DAB2IP: variants seen among roughly 807,000 people sequenced by gnomAD.
DAB2IP encodes disabled homolog 2-interacting protein.
DAB2IP carries 28 observed loss-of-function variants against 107.2 expected under a neutral mutation model. That is an observed-to-expected ratio of 0.26 (90% confidence interval 0.19 to 0.36). The LOEUF (loss-of-function observed/expected upper bound fraction) is 0.36. DAB2IP is among the 10% of genes least tolerant of loss of function. The pLI, the probability that DAB2IP is intolerant of heterozygous loss-of-function variation, is 1.00. For missense variants in DAB2IP, 1,400 were observed against 1,644.7 expected, an observed-to-expected ratio of 0.85 and a Z score of 2.57; for synonymous variants, 755 against 706.4, an observed-to-expected ratio of 1.07 and a Z score of -1.09.
chr9:121,734,764 A>G (rs910786362), intron 3 of DAB2IP, among the ~76,000 whole-genome samples: 24 of 152,180 alleles, frequency 1.6e-4, no homozygotes, highest in Admixed American at 1.3e-4. Context: ...AAGGTGCAAA[A>G]ACAGTTGTCT....
chr9:121,672,744 G>T (rs574561753), intron 1 of DAB2IP, among the ~76,000 whole-genome samples: 3 of 152,136 alleles, frequency 2.0e-5, no homozygotes, highest in African/African-American at 7.2e-5. Context: ...GGTCTGGGGC[G>T]CACTCTTAAG....
chr9:121,612,253 TGAGGCTGCAGC>T (rs1831121262), intron 1 of DAB2IP, among the ~76,000 whole-genome samples: 1 of 151,918 alleles, frequency 6.6e-6, no homozygotes, highest in African/African-American at 2.4e-5. Flanking sequence ...GGGAGGAGGT[TGAGGCTGCAGC>T]GAGCCGGAGC....
At chr9:121,720,380 G>A (rs1487359310) in intron 3 of DAB2IP, among the ~76,000 whole-genome samples, 2 of 152,214 alleles carry the variant, frequency 1.3e-5, no homozygotes, top group East Asian at 1.9e-4. Flanking sequence ...CACCTACTGC[G>A]TGCCGGGTGC....
At chr9:121,645,622 A>C (rs1192281418) in intron 1 of DAB2IP, among the ~76,000 whole-genome samples, 1 of 152,104 alleles carries the variant, frequency 6.6e-6, no homozygotes, top group Admixed American at 6.5e-5. Flanking sequence ...GGGATGAGAG[A>C]GCCAACCAGA....
intron 1 of DAB2IP, among the ~76,000 whole-genome samples, chr9:121,631,546 G>A (rs1169074986): frequency 6.6e-6 from 1 of 152,022 alleles, no homozygotes. Flanking sequence ...GGCCCGACGC[G>A]GTGGCTCACA....
intron 3 of DAB2IP, among the ~76,000 whole-genome samples, chr9:121,727,892 G>A (rs1831320822): frequency 6.6e-6 from 1 of 152,158 alleles, no homozygotes; most frequent in South Asian, 2.1e-4. Flanking sequence ...AGGGCTGTCT[G>A]CCTTCTCCCT....
intron 3 of DAB2IP, among the ~76,000 whole-genome samples, chr9:121,749,997 G>A (rs1335902942): frequency 6.6e-6 from 1 of 152,174 alleles, no homozygotes; most frequent in East Asian, 1.9e-4. Flanking sequence ...TGGCAATGAG[G>A]TGGGCGAATG....
intron 3 of DAB2IP, among the ~76,000 whole-genome samples, chr9:121,740,220 G>C (rs1022232169): frequency 6.6e-6 from 1 of 152,164 alleles, no homozygotes; most frequent in African/African-American, 2.4e-5. Context: ...TGACCCAGTG[G>C]ATCTCAGCCT....
exon 8 of DAB2IP, chr9:121,763,877 C>T: frequency 6.2e-7 from 1 of 1,613,970 alleles, no homozygotes. Flanking sequence ...TCAACTCCTA[C>T]TGGTCAGTGC....
chr9:121,721,791 A>T (rs1021024822), intron 3 of DAB2IP, among the ~76,000 whole-genome samples: 1 of 152,242 alleles, frequency 6.6e-6, no homozygotes, highest in South Asian at 2.1e-4. Flanking sequence ...TAAAACCCAG[A>T]TGGGCAGAGG....
chr9:121,731,519 A>G lies in DAB2IP; in HGVS notation c.363-25494A>G, dbSNP rs1456679313. On this transcript the variant is annotated intron_variant, in intron 3 of 15. Transcript: ENST00000408936. ...GTGGTTATAAATGCTGTCTTGTTATAGAATTGCTGTCTGGTTACATGGGGA... is the reference window on the plus strand; with the variant it reads ...GTGGTTATAAATGCTGTCTTGTTATGGAATTGCTGTCTGGTTACATGGGGA... Among the ~76,000 whole-genome samples the G allele has an allele frequency of 1.3e-4, 20 of 152,352 alleles. No individual in the cohort carries two copies. The East Asian group carries it at 1.3e-3, about 10-fold the overall frequency.
At chr9:121,733,331 A>T (rs1430869391) in intron 3 of DAB2IP, among the ~76,000 whole-genome samples, 1 of 152,188 alleles carries the variant, frequency 6.6e-6, no homozygotes, top group Non-Finnish European at 1.5e-5. Flanking sequence ...ATCTCTCCCC[A>T]CGGGATGTAC....
At chr9:121,750,175 T>G (rs1564198543) in intron 3 of DAB2IP, among the ~76,000 whole-genome samples, 1 of 151,654 alleles carries the variant, frequency 6.6e-6, no homozygotes, top group East Asian at 1.9e-4. Context: ...TCCTAGAGAG[T>G]CGAATGACTT....
rs538942226 is a variant in DAB2IP at position 121,691,469 on chromosome 9, C to T, written c.229-7856C>T. ...GTCAAAGGAAGTGATAGCAGTGAGCCGAGATCGCGCCACTGCACTCCAGCC... is the reference window on the plus strand; with the variant it reads ...GTCAAAGGAAGTGATAGCAGTGAGCTGAGATCGCGCCACTGCACTCCAGCC... On this transcript the variant is annotated intron_variant, in intron 2 of 15. Coordinates refer to ENST00000408936, the Ensembl canonical transcript of DAB2IP. Among the ~76,000 whole-genome samples the T allele has an allele frequency of 4.7e-5, 7 of 149,358 alleles. No individual in the cohort carries two copies. The South Asian group carries it at 6.4e-4, about 14-fold the overall frequency.
intron 1 of DAB2IP, among the ~76,000 whole-genome samples, chr9:121,655,661 C>G (rs1832941141): frequency 6.6e-6 from 1 of 152,194 alleles, no homozygotes; most frequent in Admixed American, 6.5e-5. Flanking sequence ...CATAGGGCCT[C>G]AGTTTCCCCA....
In DAB2IP at chr9:121,736,509, C is replaced by T. The variant is rs553997130; in HGVS notation, c.363-20504C>T. Among the ~76,000 whole-genome samples the T allele has an allele frequency of 8.4e-6, 1 of 119,674 alleles. No individual in the cohort carries two copies. The highest frequency in any genetic ancestry group is 2.8e-4 in the South Asian group (1 of 3,612). The allele number at this position is 119,674 out of a possible 152,430, so 78.5% of individuals were successfully genotyped here. On this transcript the variant is annotated intron_variant, in intron 3 of 15. Transcript: ENST00000408936. This position sits in a 1 kb window ranked among gnomAD's most constrained non-coding sequence, Gnocchi z 4.6. ...CTGGCCGCGGAATGTCACCCGCTGC[C>T]GGGCCTGGGAAGGGCTGGGCCTACT... is the stretch of plus-strand genomic sequence containing the variant.
chr9:121,782,918 T>C lies in DAB2IP; in HGVS notation c.*420T>C. 1 of 1,021,566 alleles carries C rather than the reference T, an allele frequency of 9.8e-7. No individual in the cohort carries two copies. Among genetic ancestry groups the C allele is most frequent in the Non-Finnish European group, 1.2e-6 (1 of 852,230 alleles). The allele number at this position is 1,021,566 out of a possible 1,614,324, so 63.3% of individuals were successfully genotyped here. On this transcript the variant is annotated 3_prime_UTR_variant, in exon 16 of 16. Coordinates refer to ENST00000408936, the Ensembl canonical transcript of DAB2IP. The surrounding 1 kb of genome is among the most constrained non-coding windows in gnomAD (Gnocchi z 6.1). Reference sequence around the variant, plus strand: ...GGGCTAGGGGCCTACACCTGTGGCTTCCCCTCGCCTCCTTGGGGGGCCCGG... The same window carrying C: ...GGGCTAGGGGCCTACACCTGTGGCTCCCCCTCGCCTCCTTGGGGGGCCCGG...
intron 1 of DAB2IP, among the ~76,000 whole-genome samples, chr9:121,602,210 A>C (rs1215686869): frequency 1.3e-5 from 2 of 152,158 alleles, no homozygotes; most frequent in Admixed American, 1.3e-4. Context: ...CTTTCTCCCA[A>C]CTTAAGATGG....
rs1013371120 is a variant in DAB2IP, at chr9:121,599,478, G to T, written c.40+32250G>T. On this transcript the variant is annotated intron_variant, in intron 1 of 16. Coordinates refer to the DAB2IP transcript ENST00000259371. The surrounding 1 kb of genome is among the most constrained non-coding windows in gnomAD (Gnocchi z 6.9). Reference sequence around the variant, plus strand: ...GGGCCTGGCGGGCGGAGCTGTGGGCGGCTGGGCCTGCGATTGGCAGGGCTG... The same window carrying T: ...GGGCCTGGCGGGCGGAGCTGTGGGCTGCTGGGCCTGCGATTGGCAGGGCTG... 6.6e-6 allele frequency among the ~76,000 whole-genome samples: 1 copy of T among 152,002 alleles called. No individual in the cohort carries two copies. Among genetic ancestry groups the T allele is most frequent in the Non-Finnish European group, 1.5e-5 (1 of 67,948 alleles).
Sources: allele counts gnomAD v4.1 joint callset (sites outside exome capture counted in the v4.1 genomes callset), GRCh38; gene constraint gnomAD v4.1.1; non-coding constraint Gnocchi (gnomAD v3.1); transcripts MANE v1.5; gene names NCBI Gene and HGNC (gene_info 2026-07-23, HGNC 2026-07-21).